BORCS5: variants seen among roughly 807,000 people sequenced by gnomAD.
BORCS5 encodes the protein BLOC-1-related complex subunit 5.
Under a neutral mutation model 22.1 loss-of-function variants are expected in BORCS5, and 17 were observed. That is an observed-to-expected ratio of 0.77 (90% CI 0.53 to 1.15). The LOEUF (loss-of-function observed/expected upper bound fraction) is 1.15, where lower values mean the gene tolerates loss of function less well. Among genes scored for constraint, BORCS5 ranks in the 50% most tolerant of loss-of-function variants. BORCS5 has a pLI of 0.00. For synonymous variants in BORCS5, 117 were observed against 99.8 expected (o/e 1.17, Z -1.03); for missense variants, 247 against 253.2 (o/e 0.98, Z 0.17).
rs139430122 is a variant in BORCS5, at chr12:12,357,999, G to C, written c.58+490G>C. On this transcript the variant is annotated intron_variant, in intron 1 of 3. Transcript: ENST00000314565. Reference sequence around the variant, plus strand: ...GCTTTTTCTTCTCAGAAGGTGTCTTGGTCCGTTTTCTAATCTTGTAGAGGT... The same window carrying C: ...GCTTTTTCTTCTCAGAAGGTGTCTTCGTCCGTTTTCTAATCTTGTAGAGGT... 5.5e-4 allele frequency among the ~76,000 whole-genome samples: 84 copies of C among 152,302 alleles called. 1 individual carries two copies. In the East Asian group the frequency reaches 0.015, roughly 27 times the overall value.
At chr12:12,403,049 A>G (rs1034773102) in intron 2 of BORCS5, among the ~76,000 whole-genome samples, 8 of 152,226 alleles carry the variant, frequency 5.3e-5, no homozygotes, top group Admixed American at 3.9e-4. Flanking sequence ...TTTCGTTAAT[A>G]ATAACCACAT....
intron 2 of BORCS5, among the ~76,000 whole-genome samples, chr12:12,367,185 G>A (rs2136023152): frequency 6.6e-6 from 1 of 152,324 alleles, no homozygotes; most frequent in East Asian, 1.9e-4. Flanking sequence ...GAAGAATGAA[G>A]CAATGGAAAA....
At chr12:12,423,685 G>A (rs182957836) in intron 2 of BORCS5, among the ~76,000 whole-genome samples, 1,864 of 87,870 alleles carry the variant, frequency 0.021, 29 homozygotes, top group South Asian at 0.035. Context: ...CAAATTTCTC[G>A]TTGTCTTTTT....
At chr12:12,439,401 G>C (rs779573878) in intron 3 of BORCS5, among the ~76,000 whole-genome samples, 3 of 152,128 alleles carry the variant, frequency 2.0e-5, no homozygotes, top group African/African-American at 7.2e-5. Context: ...GCCAAGGCAG[G>C]TGGATTGTTT....
chr12:12,412,912 T>A (rs1462830831), intron 2 of BORCS5, among the ~76,000 whole-genome samples: 1 of 142,850 alleles, frequency 7.0e-6, no homozygotes, highest in Admixed American at 7.0e-5. Context: ...TTTTTTTTTT[T>A]TTTTTTTTTT....
chr12:12,409,638 A>C (rs1300297479), intron 2 of BORCS5, among the ~76,000 whole-genome samples: 1 of 152,198 alleles, frequency 6.6e-6, no homozygotes, highest in Non-Finnish European at 1.5e-5. Context: ...ATTGTTGGAC[A>C]TTTGGGTTGG....
At chr12:12,434,130 A>G (rs1299500115) in intron 2 of BORCS5, among the ~76,000 whole-genome samples, 1 of 151,960 alleles carries the variant, frequency 6.6e-6, no homozygotes, top group Admixed American at 6.6e-5. Flanking sequence ...TAAAAATACA[A>G]AAACTAGCTG....
intron 2 of BORCS5, among the ~76,000 whole-genome samples, chr12:12,386,259 C>T (rs1021815965): frequency 6.0e-5 from 9 of 151,242 alleles, no homozygotes; most frequent in Non-Finnish European, 1.2e-4. Context: ...CCTCGGCCTC[C>T]CAAAGTGCTG....
chr12:12,434,271 G>T (rs993456646), intron 2 of BORCS5, among the ~76,000 whole-genome samples: 10 of 106,834 alleles, frequency 9.4e-5, no homozygotes, highest in Non-Finnish European at 1.7e-4. Flanking sequence ...AACAGAGCAA[G>T]ACTCTGTCTC....
rs530824966 is a variant in BORCS5, at chr12:12,357,147, C to T, written c.-305C>T. 96 of 1,532,972 alleles carry T rather than the reference C, an allele frequency of 6.3e-5. No homozygotes were observed. The highest frequency in any genetic ancestry group is 7.7e-5 in the Non-Finnish European group (88 of 1,145,678). The allele number at this position is 1,532,972 out of a possible 1,614,324, so 95.0% of individuals were successfully genotyped here. A position where few individuals can be genotyped will look rare whatever the true frequency, so the allele number is the denominator to read the frequency against. ...AGTGAAAGCGGCGCCGCCCGCCGGC[C>T]GCAGGTGCGGCAAAGCCAGTGTCAT... On this transcript the variant is annotated 5_prime_UTR_variant, in exon 1 of 4. Coordinates refer to ENST00000314565, the MANE Select transcript of BORCS5 (RefSeq NM_058169.6).
intron 2 of BORCS5, among the ~76,000 whole-genome samples, chr12:12,423,980 G>A (rs985107195): frequency 6.6e-6 from 1 of 152,200 alleles, no homozygotes; most frequent in Non-Finnish European, 1.5e-5. Context: ...GTGAGCCAGT[G>A]TGCCTGGCCC....
chr12:12,361,955 T>G (rs1334650737), intron 2 of BORCS5, among the ~76,000 whole-genome samples: 1 of 152,242 alleles, frequency 6.6e-6, no homozygotes, highest in Admixed American at 6.5e-5. Flanking sequence ...ATTATTTTTG[T>G]ATCTCTATTA....
At position 12,362,636 on chromosome 12, in the gene BORCS5, C is replaced by CTTTTTTTTT. The variant is rs71436712; in HGVS notation, c.202+1305_202+1313dup. Among the ~76,000 whole-genome samples, 73 of 57,572 alleles carry CTTTTTTTTT rather than the reference C, an allele frequency of 1.3e-3. 8 individuals are homozygous for CTTTTTTTTT. Among genetic ancestry groups the CTTTTTTTTT allele is most frequent in the African/African-American group, 2.1e-3 (39 of 18,272 alleles). 37.8% of individuals were successfully genotyped at this position (57,572 alleles called of 152,430 possible). On this transcript the variant is annotated intron_variant, in intron 2 of 3. Coordinates refer to ENST00000314565, the MANE Select transcript of BORCS5 (RefSeq NM_058169.6). ...CAACACATTATATCATGTTACTCAT[C>CTTTTTTTTT]TTTTTTTTTTTTTTTTTTTTTTTTT...
At chr12:12,362,797 C>T (rs1049937559) in intron 2 of BORCS5, among the ~76,000 whole-genome samples, 13 of 151,592 alleles carry the variant, frequency 8.6e-5, no homozygotes, top group African/African-American at 2.9e-4. Context: ...CCTGCCACCA[C>T]GCCAAGCTAA....
chr12:12,452,063 T>A, intron 3 of BORCS5: 1 of 433,042 alleles, frequency 2.3e-6, no homozygotes, highest in Non-Finnish European at 4.5e-6. Context: ...TACGTGACTT[T>A]CCCCCCTGGA....
intron 3 of BORCS5, among the ~76,000 whole-genome samples, chr12:12,446,477 A>G (rs189391151): frequency 4.6e-5 from 7 of 152,302 alleles, no homozygotes; most frequent in African/African-American, 1.4e-4. Flanking sequence ...GTTCTTTACT[A>G]TCACCCTGCT....
intron 2 of BORCS5, among the ~76,000 whole-genome samples, chr12:12,407,620 T>C (rs1941621986): frequency 6.6e-6 from 1 of 152,124 alleles, no homozygotes; most frequent in Admixed American, 6.6e-5. Flanking sequence ...TTGAAGTCTA[T>C]TAAATAGTAA....
At chr12:12,434,021 GA>G (rs144872217) in intron 2 of BORCS5, among the ~76,000 whole-genome samples, 10 of 152,126 alleles carry the variant, frequency 6.6e-5, no homozygotes, top group East Asian at 1.9e-4. Flanking sequence ...GGGTTCCCAA[GA>G]TGAGCTTTGG....
Position 12,469,699 on chromosome 12 carries a change from T to G in BORCS5, c.*3923T>G, listed in dbSNP as rs1249937341. On this transcript the variant is annotated 3_prime_UTR_variant, in exon 4 of 4. Coordinates refer to ENST00000314565, the MANE Select transcript of BORCS5 (RefSeq NM_058169.6). The stretch of plus-strand genomic sequence containing the variant: ...TAAAATTCTAGTGCAATTGGGAAAC[T>G]TGGTCTTCCTGATTTGTTTATACTT... The G allele has an allele frequency of 6.6e-6, 1 of 152,248 alleles. No individual in the cohort carries two copies. The highest frequency in any genetic ancestry group is 1.5e-5 in the Non-Finnish European group (1 of 68,042). The allele number at this position is 152,248 out of a possible 1,614,324, so 9.4% of individuals were successfully genotyped here.
Sources: allele counts gnomAD v4.1 joint callset (sites outside exome capture counted in the v4.1 genomes callset), GRCh38; gene constraint gnomAD v4.1.1; transcripts MANE v1.5; gene names NCBI Gene and HGNC (gene_info 2026-07-23, HGNC 2026-07-21).